NDST3: variants seen among roughly 807,000 people sequenced by gnomAD.
The protein encoded by NDST3 is bifunctional heparan sulfate N-deacetylase/N-sulfotransferase 3.
NDST3 carries 58 observed loss-of-function variants against 96.1 expected under a neutral mutation model. That is an observed-to-expected ratio of 0.60 (90% CI 0.49 to 0.75). NDST3 has a LOEUF of 0.75. Ranked by LOEUF, NDST3 falls within the 30% of genes least tolerant of loss-of-function variation. The pLI, the probability that NDST3 is intolerant of heterozygous loss-of-function variation, is 0.00. For synonymous variants in NDST3, 333 were observed against 359.7 expected, an observed-to-expected ratio of 0.93 and a Z score of 0.84; for missense variants, 788 against 1,034.2, an observed-to-expected ratio of 0.76 and a Z score of 3.27.
In NDST3 at chr4:118,217,193, G is replaced by A. The variant is rs950823468; in HGVS notation, c.1540-7298G>A. Among the ~76,000 whole-genome samples the A allele has an allele frequency of 3.9e-5, 6 of 152,186 alleles. No homozygotes were observed. In the South Asian group the frequency reaches 8.3e-4, roughly 21 times the overall value. ...TACAGAGAGAAGAAACCGTATAAAC[G>A]AAGCCGTGGAGAGGCAAGTCCAAGG... On this transcript the variant is annotated intron_variant, in intron 6 of 13. Coordinates refer to ENST00000296499, the MANE Select transcript of NDST3 (RefSeq NM_004784.3).
At chr4:118,060,474 T>C (rs1725806714) in intron 2 of NDST3, among the ~76,000 whole-genome samples, 1 of 152,112 alleles carries the variant, frequency 6.6e-6, no homozygotes, top group Non-Finnish European at 1.5e-5. Context: ...TGAAAACAGC[T>C]CCTAGGTGAA....
At chr4:118,199,090 C>G (rs1560712893) in intron 6 of NDST3, among the ~76,000 whole-genome samples, 1 of 152,094 alleles carries the variant, frequency 6.6e-6, no homozygotes. Flanking sequence ...ATACTGATAT[C>G]TTTCTCTAGG....
At chr4:118,159,810 T>C (rs1734965280) in intron 6 of NDST3, among the ~76,000 whole-genome samples, 1 of 152,130 alleles carries the variant, frequency 6.6e-6, no homozygotes, top group African/African-American at 2.4e-5. Flanking sequence ...GCAAACATGA[T>C]TAAGCTGAAG....
At chr4:118,157,517 G>A (rs1439164995) in intron 6 of NDST3, among the ~76,000 whole-genome samples, 18 of 151,408 alleles carry the variant, frequency 1.2e-4, no homozygotes, top group Non-Finnish European at 2.5e-4. Flanking sequence ...CCGCCTCCCA[G>A]GTAGCAGCGA....
intron 1 of NDST3, among the ~76,000 whole-genome samples, chr4:118,035,693 G>A (rs961217456): frequency 1.3e-5 from 2 of 151,678 alleles, no homozygotes; most frequent in Non-Finnish European, 2.9e-5. Flanking sequence ...CCTAAGATAA[G>A]CTCTTTTTTT....
intron 3 of NDST3, among the ~76,000 whole-genome samples, chr4:118,107,921 G>A (rs558924781): frequency 6.6e-6 from 1 of 152,258 alleles, no homozygotes; most frequent in East Asian, 1.9e-4. Context: ...ACATATACCT[G>A]AGACTGGGTA....
intron 6 of NDST3, chr4:118,194,610 T>A (rs141526068): frequency 2.1e-5 from 15 of 721,976 alleles, no homozygotes; most frequent in Admixed American, 1.9e-4. Context: ...CAGTCCCCAA[T>A]CATGGGCATC....
chr4:118,057,620 C>A (rs1192145135), intron 2 of NDST3, among the ~76,000 whole-genome samples: 1 of 152,032 alleles, frequency 6.6e-6, no homozygotes, highest in African/African-American at 2.4e-5. Context: ...GTGTGATCAG[C>A]AGTATAAAAC....
chr4:118,165,826 G>GAA (rs1487208456), intron 6 of NDST3, among the ~76,000 whole-genome samples: 1 of 151,436 alleles, frequency 6.6e-6, no homozygotes. Context: ...TTGGGTACAA[G>GAA]AAAAAAATCA....
At chr4:118,058,041 A>G (rs1725575370) in intron 2 of NDST3, among the ~76,000 whole-genome samples, 1 of 152,068 alleles carries the variant, frequency 6.6e-6, no homozygotes, top group African/African-American at 2.4e-5. Flanking sequence ...TTAAGAGTAT[A>G]TAATTAGTAT....
chr4:118,087,787 A>T (rs1728549521), intron 2 of NDST3, among the ~76,000 whole-genome samples: 1 of 152,136 alleles, frequency 6.6e-6, no homozygotes, highest in Non-Finnish European at 1.5e-5. Context: ...AGGCCAGTAC[A>T]GACTTATGAC....
At chr4:118,090,958 C>T (rs1728817117) in intron 2 of NDST3, among the ~76,000 whole-genome samples, 1 of 151,394 alleles carries the variant, frequency 6.6e-6, no homozygotes, top group Non-Finnish European at 1.5e-5. Context: ...TCTTGTTTTG[C>T]TTTTTTCGTT....
intron 6 of NDST3, among the ~76,000 whole-genome samples, chr4:118,152,681 T>C (rs950095791): frequency 1.3e-5 from 2 of 152,186 alleles, no homozygotes; most frequent in African/African-American, 4.8e-5. Flanking sequence ...CAACAGATGC[T>C]TTTCACATGT....
intron 12 of NDST3, among the ~76,000 whole-genome samples, chr4:118,247,942 A>G (rs1578871299): frequency 6.6e-6 from 1 of 152,180 alleles, no homozygotes; most frequent in South Asian, 2.1e-4. Context: ...TCACCCATAG[A>G]AATGGTTTTT....
Position 118,251,368 on chromosome 4 carries a change from C to T in NDST3, c.2400-2131C>T, listed in dbSNP as rs376388235. On this transcript the variant is annotated intron_variant, in intron 12 of 13. Coordinates refer to ENST00000296499, the MANE Select transcript of NDST3 (RefSeq NM_004784.3). ...GTCTTGATCTCCTGACCTCGTGATCCGCCTGCCTCGGCCTTATAATTTTAG... is the reference window on the plus strand; with the variant it reads ...GTCTTGATCTCCTGACCTCGTGATCTGCCTGCCTCGGCCTTATAATTTTAG... 3.9e-4 allele frequency among the ~76,000 whole-genome samples: 59 copies of T among 151,762 alleles called. No homozygotes were observed. The East Asian group carries it at 9.1e-3, about 23-fold the overall frequency.
At chr4:118,101,359 T>C (rs1048704423) in intron 2 of NDST3, among the ~76,000 whole-genome samples, 2 of 107,484 alleles carry the variant, frequency 1.9e-5, no homozygotes, top group African/African-American at 5.6e-5. Context: ...CTTTACAGAA[T>C]GAAGACTTGA....
At chr4:118,097,540 C>A (rs1003161235) in intron 2 of NDST3, among the ~76,000 whole-genome samples, 2 of 151,878 alleles carry the variant, frequency 1.3e-5, no homozygotes, top group Non-Finnish European at 2.9e-5. Flanking sequence ...GGGTATGTTG[C>A]CTTTGCTCAG....
chr4:118,125,083 A>C (rs1192964022), intron 4 of NDST3, among the ~76,000 whole-genome samples: 3 of 152,074 alleles, frequency 2.0e-5, no homozygotes, highest in Non-Finnish European at 4.4e-5. Context: ...CGCCTACCCT[A>C]AGATCAGGCT....
intron 6 of NDST3, among the ~76,000 whole-genome samples, chr4:118,222,985 A>G (rs1005299666): frequency 2.0e-5 from 3 of 151,998 alleles, no homozygotes; most frequent in Admixed American, 2.0e-4. Context: ...ACACATATAG[A>G]CTTACTGACA....
Sources: gnomAD v4.1 joint callset for allele counts (sites outside exome capture counted in the v4.1 genomes callset) on GRCh38, gnomAD v4.1.1 for gene constraint, MANE v1.5 for transcripts, NCBI Gene and HGNC (gene_info 2026-07-23, HGNC 2026-07-21) for gene names.